BCL6B: variants seen among roughly 807,000 people sequenced by gnomAD.
BCL6B encodes the protein B-cell CLL/lymphoma 6 member B protein.
BCL6B carries 28 observed loss-of-function variants against 44.6 expected under a neutral mutation model. That is an observed-to-expected ratio of 0.63 (90% CI 0.47 to 0.86). BCL6B has a LOEUF of 0.86. Among genes scored for constraint, BCL6B ranks in the 40% least tolerant of loss-of-function variants. The pLI is 0.00. For synonymous variants in BCL6B, 268 were observed against 263.6 expected (o/e 1.02, Z -0.16); for missense variants, 626 against 652.3 (o/e 0.96, Z 0.44).
rs779815131 is a variant in BCL6B, at chr17:7,023,737, C to T, written c.66C>T (p.Ser22=). The change falls in exon 2 of 9, where the codon TCC becomes TCT. Residue 22 remains serine (S), a synonymous_variant. Coordinates refer to ENST00000293805, the MANE Select transcript of BCL6B (RefSeq NM_181844.4). The part of the protein sequence containing the change: ...GYVREFTRHS[S]DVLGNLNELR... The stretch of plus-strand genomic sequence containing the variant: ...TCCGCGAGTTCACTCGCCACTCCTC[C>T]GACGTGCTGGGCAACCTCAACGAGC... The T allele has an allele frequency of 5.6e-6, 9 of 1,613,306 alleles. No homozygotes were observed. Among genetic ancestry groups the T allele is most frequent in the Non-Finnish European group, 6.8e-6 (8 of 1,180,034 alleles).
chr17:7,023,813 C>A lies in BCL6B; in HGVS notation c.142C>A (p.Pro48Thr). 1 of 1,613,288 alleles carries A rather than the reference C, an allele frequency of 6.2e-7. No homozygotes were observed. Among genetic ancestry groups the A allele is most frequent in the African/African-American group, 1.3e-5 (1 of 75,036 alleles). ...CGTCACGCTGCTGGTTGGCGGGCAA[C>A]CCCTCAGAGCACACAAGGCAGTTCT... The part of the protein sequence containing the change: ...TDVTLLVGGQ[P>T]LRAHKAVLIA... Residue 48 changes from proline (P) to threonine (T), a missense_variant, in exon 2 of 9, where the codon CCC (proline) becomes ACC (threonine). Transcript: ENST00000293805.
At chr17:7,025,234 G>A (rs1910252521) in intron 5 of BCL6B, 34 bp downstream of exon 5, 10 of 1,612,210 alleles carry the variant, frequency 6.2e-6, no homozygotes, top group Non-Finnish European at 8.5e-6. Context: ...TTTCTCCCGT[G>A]ACTGCTCCAG....
rs768336331 is a variant in BCL6B, at chr17:7,026,822, C to T, written c.1172C>T (p.Ser391Leu). ...EKPYKCETCGSRFVQVAHLRA... is the reference protein window; with the variant it reads ...EKPYKCETCGLRFVQVAHLRA... Reference sequence around the variant, plus strand: ...CCGTATAAGTGTGAGACGTGCGGCTCGCGCTTTGTACAGGTACGGAGCCAG... The same window carrying T: ...CCGTATAAGTGTGAGACGTGCGGCTTGCGCTTTGTACAGGTACGGAGCCAG... Residue 391 changes from serine (S) to leucine (L), a missense_variant, in exon 7 of 9, where the codon TCG (serine) becomes TTG (leucine). Ser to Leu is a moderately radical substitution (Grantham distance 145, BLOSUM62 -2). Transcript: ENST00000293805. The T allele has an allele frequency of 3.1e-6, 5 of 1,613,874 alleles. No homozygotes were observed. Among genetic ancestry groups the T allele is most frequent in the Admixed American group, 1.7e-5 (1 of 60,014 alleles).
At position 7,027,948 on chromosome 17, in the gene BCL6B, C is replaced by G; in HGVS notation, c.*329C>G. 9.0e-7 allele frequency: 1 copy of G among 1,106,178 alleles called. No homozygotes were observed. Among genetic ancestry groups the G allele is most frequent in the Non-Finnish European group, 1.1e-6 (1 of 904,710 alleles). 68.5% of individuals were successfully genotyped at this position (1,106,178 alleles called of 1,614,324 possible). On this transcript the variant is annotated 3_prime_UTR_variant, in exon 9 of 9. Coordinates refer to ENST00000293805, the MANE Select transcript of BCL6B (RefSeq NM_181844.4). ...GTGGCCCCCATTGCATTCAGTTTAT[C>G]TGTAAATATAATTTATTGAGGCCTT...
chr17:7,023,352 G>A (rs529351617), intron 1 of BCL6B: 1 of 379,728 alleles, frequency 2.6e-6, no homozygotes, highest in Admixed American at 4.3e-5. Context: ...AGAGGGGAGT[G>A]GCGGTGCTGG....
In BCL6B at chr17:7,024,611, T is replaced by C; in HGVS notation, c.612T>C (p.Ser204=). The part of the protein sequence containing the change: ...WKKYKYIVLN[S]QASQAGSLVG... The stretch of plus-strand genomic sequence containing the variant: ...AGTACAAGTACATCGTGCTAAACTC[T>C]CAGGCCTCCCAAGCAGGGAGCCTGG... The change falls in exon 4 of 9, where the codon TCT becomes TCC. Residue 204 remains serine (S), a synonymous_variant. Coordinates refer to ENST00000293805, the MANE Select transcript of BCL6B (RefSeq NM_181844.4). The surrounding 1 kb of genome is among the most constrained non-coding windows in gnomAD (Gnocchi z 6.6). The C allele has an allele frequency of 6.2e-7, 1 of 1,614,136 alleles. No individual in the cohort carries two copies. The highest frequency in any genetic ancestry group is 2.2e-5 in the East Asian group (1 of 44,868).
chr17:7,027,614 C>G lies in BCL6B; in HGVS notation c.1435C>G (p.Pro479Ala), dbSNP rs376284939. ...AGTGCACTACCACATTCTCGGGGGG[C>G]CCTAGCTGAGCGCAGGCCCAGGCCC... is the stretch of plus-strand genomic sequence containing the variant. ...TKVHYHILGG[P>A] Residue 479 changes from proline to alanine, a missense_variant, in exon 9 of 9, where the codon CCC becomes GCC. Pro to Ala is a conservative substitution (Grantham distance 27). Transcript: ENST00000293805. 2.5e-6 allele frequency: 4 copies of G among 1,613,156 alleles called. No homozygotes were observed. Among genetic ancestry groups the G allele is most frequent in the African/African-American group, 1.3e-5 (1 of 75,046 alleles).
rs749686574 is a variant in BCL6B at position 7,028,780 on chromosome 17, G to C, written c.*1161G>C. On this transcript the variant is annotated 3_prime_UTR_variant, in exon 9 of 9. Coordinates refer to ENST00000293805, the MANE Select transcript of BCL6B (RefSeq NM_181844.4). ...ATCATGAAACTCTTTAGCTTGATTA[G>C]ATGGTAAACAGTGTTAACCCATCCT... 64 of 985,328 alleles carry C rather than the reference G, an allele frequency of 6.5e-5. No individual in the cohort carries two copies. Among genetic ancestry groups the C allele is most frequent in the Non-Finnish European group, 7.3e-5 (61 of 829,954 alleles). 61.0% of individuals were successfully genotyped at this position (985,328 alleles called of 1,614,324 possible). A position where few individuals can be genotyped will look rare whatever the true frequency, so the allele number is the denominator to read the frequency against.
At position 7,028,961 on chromosome 17, in the gene BCL6B, C is replaced by G; in HGVS notation, c.*1342C>G. ...AAGGGATGGTGCTTGGTAACCTTAC[C>G]TTTTAAAAGCTGGGTCTGTGACCTG... On this transcript the variant is annotated 3_prime_UTR_variant, in exon 9 of 9. Transcript: ENST00000293805. 1.0e-6 allele frequency: 1 copy of G among 985,418 alleles called. No homozygotes were observed. Among genetic ancestry groups the G allele is most frequent in the South Asian group, 4.7e-5 (1 of 21,282 alleles). The allele number at this position is 985,418 out of a possible 1,614,324, so 61.0% of individuals were successfully genotyped here. A position where few individuals can be genotyped will look rare whatever the true frequency, so the allele number is the denominator to read the frequency against.
rs1910331226 is a variant in BCL6B at position 7,027,502 on chromosome 17, G to A, written c.1324-1G>A. The A allele has an allele frequency of 6.2e-7, 1 of 1,613,760 alleles. No homozygotes were observed. The highest frequency in any genetic ancestry group is 8.5e-7 in the Non-Finnish European group (1 of 1,180,028). On this transcript the variant is annotated splice_acceptor_variant, in intron 8 of 8. Transcript: ENST00000293805. LOFTEE classifies it high-confidence loss of function. Reference sequence around the variant, plus strand: ...GGCCTGACTTGGCTGTCCTCCCACAGTGCGACCCCTGTGGCCTGCATTTCC... The same window carrying A: ...GGCCTGACTTGGCTGTCCTCCCACAATGCGACCCCTGTGGCCTGCATTTCC...
chr17:7,027,665 C>T lies in BCL6B; in HGVS notation c.*46C>T, dbSNP rs751131685. On this transcript the variant is annotated 3_prime_UTR_variant, in exon 9 of 9. Coordinates refer to ENST00000293805, the MANE Select transcript of BCL6B (RefSeq NM_181844.4). ...CACTTGCTTCCTGCGGGTGGGAAAG[C>T]TGCAGGCCCAGGCCTTGCTTCCCTA... 1.9e-6 allele frequency: 3 copies of T among 1,609,140 alleles called. No homozygotes were observed. The South Asian group carries it at 3.3e-5, about 18-fold the overall frequency.
At position 7,023,823 on chromosome 17, in the gene BCL6B, C is replaced by G. The variant is rs1910196522; in HGVS notation, c.152C>G (p.Ala51Gly). Reference protein sequence around the residue: ...TLLVGGQPLRAHKAVLIACSG... With the variant: ...TLLVGGQPLRGHKAVLIACSG... ...CTGGTTGGCGGGCAACCCCTCAGAG[C>G]ACACAAGGCAGTTCTCATCGCCTGC... The change falls in exon 2 of 9, where the codon GCA becomes GGA. Residue 51 changes from alanine (A) to glycine (G), a missense_variant. Physicochemically the swap from Ala to Gly is moderately conservative, Grantham distance 60. Transcript: ENST00000293805. 1 of 1,582,340 alleles carries G rather than the reference C, an allele frequency of 6.3e-7. No individual in the cohort carries two copies. Among genetic ancestry groups the G allele is most frequent in the African/African-American group, 1.4e-5 (1 of 73,824 alleles).
At position 7,027,654 on chromosome 17, in the gene BCL6B, G is replaced by A. The variant is rs750195222; in HGVS notation, c.*35G>A. ...GGCCCAGGCCCCACTTGCTTCCTGCGGGTGGGAAAGCTGCAGGCCCAGGCC... is the reference window on the plus strand; with the variant it reads ...GGCCCAGGCCCCACTTGCTTCCTGCAGGTGGGAAAGCTGCAGGCCCAGGCC... On this transcript the variant is annotated 3_prime_UTR_variant, in exon 9 of 9. Coordinates refer to ENST00000293805, the MANE Select transcript of BCL6B (RefSeq NM_181844.4). 111 of 1,610,748 alleles carry A rather than the reference G, an allele frequency of 6.9e-5. 1 individual carries two copies. In the South Asian group the frequency reaches 9.8e-4, roughly 14 times the overall value.
At position 7,024,538 on chromosome 17, in the gene BCL6B, G is replaced by GC. The variant is rs780109291; in HGVS notation, c.546dup (p.Ser183GlnfsTer6). 5 of 1,613,646 alleles carry GC rather than the reference G, an allele frequency of 3.1e-6. No homozygotes were observed. The highest frequency in any genetic ancestry group is 2.5e-6 in the Non-Finnish European group (3 of 1,179,948). On this transcript the variant is annotated frameshift_variant, in exon 4 of 9. Transcript: ENST00000293805. LOFTEE classifies it high-confidence loss of function. This position sits in a 1 kb window ranked among gnomAD's most constrained non-coding sequence, Gnocchi z 6.6. ...ACTGAATCTCGAAGCTGCAGTCAAG[G>GC]CCCCCCCAGTCCAGCCAGCCCTGAC... is the stretch of plus-strand genomic sequence containing the variant.
chr17:7,027,080 C>CT lies in BCL6B; in HGVS notation c.1318dup (p.Tyr440LeufsTer139). Reference sequence around the variant, plus strand: ...GTTCGCATCCACACCGGAGAGAAGCCTTACCACGTGGGTACCCAACCTGGC... The same window carrying CT: ...GTTCGCATCCACACCGGAGAGAAGCCTTTACCACGTGGGTACCCAACCTGGC... On this transcript the variant is annotated frameshift_variant, in exon 8 of 9. Transcript: ENST00000293805. LOFTEE classifies it high-confidence loss of function. 6.2e-7 allele frequency: 1 copy of CT among 1,614,006 alleles called. No homozygotes were observed. The highest frequency in any genetic ancestry group is 8.5e-7 in the Non-Finnish European group (1 of 1,180,030).
chr17:7,023,842 C>T lies in BCL6B; in HGVS notation c.171C>T (p.Ile57=), dbSNP rs375604063. Residue 57 remains isoleucine (I), a synonymous_variant, in exon 2 of 9, where the codon ATC becomes ATT. Transcript: ENST00000293805. Reference sequence around the variant, plus strand: ...TCAGAGCACACAAGGCAGTTCTCATCGCCTGCAGGTTCGAGGGGTGGGGCC... The same window carrying T: ...TCAGAGCACACAAGGCAGTTCTCATTGCCTGCAGGTTCGAGGGGTGGGGCC... ...QPLRAHKAVL[I]ACSGFFYSIF... 2.9e-5 allele frequency: 44 copies of T among 1,532,616 alleles called. No homozygotes were observed. The highest frequency in any genetic ancestry group is 3.9e-5 in the Non-Finnish European group (44 of 1,128,352). The allele number at this position is 1,532,616 out of a possible 1,614,324, so 94.9% of individuals were successfully genotyped here. A position where few individuals can be genotyped will look rare whatever the true frequency, so the allele number is the denominator to read the frequency against.
rs903980519 is a variant in BCL6B, at chr17:7,029,190, G to C, written c.*1571G>C. ...AGTTTCAAGTAGGATTAAGAGGTTG[G>C]TTGAGGGGTGCAGTTTCTGGTGTAG... On this transcript the variant is annotated 3_prime_UTR_variant, in exon 9 of 9. Coordinates refer to ENST00000293805, the MANE Select transcript of BCL6B (RefSeq NM_181844.4). 5 of 985,760 alleles carry C rather than the reference G, an allele frequency of 5.1e-6. No homozygotes were observed. The African/African-American group carries it at 8.7e-5, about 17-fold the overall frequency. 61.1% of individuals were successfully genotyped at this position (985,760 alleles called of 1,614,324 possible). A position where few individuals can be genotyped will look rare whatever the true frequency, so the allele number is the denominator to read the frequency against.
Position 7,026,976 on chromosome 17 carries a change from G to A in BCL6B, c.1212G>A (p.Leu404=). ...TGGCACATCTGCGGGCGCACGTGCTGATCCACACCGGGGAGAAGCCCTACC... is the reference window on the plus strand; with the variant it reads ...TGGCACATCTGCGGGCGCACGTGCTAATCCACACCGGGGAGAAGCCCTACC... ...VQVAHLRAHV[L]IHTGEKPYPC... Residue 404 remains leucine, a synonymous_variant, in exon 8 of 9, where the codon CTG becomes CTA. Transcript: ENST00000293805. 6.2e-7 allele frequency: 1 copy of A among 1,613,138 alleles called. No homozygotes were observed. The highest frequency in any genetic ancestry group is 8.5e-7 in the Non-Finnish European group (1 of 1,179,980).
At position 7,024,574 on chromosome 17, in the gene BCL6B, G is replaced by C; in HGVS notation, c.575G>C (p.Cys192Ser). 1 of 1,614,080 alleles carries C rather than the reference G, an allele frequency of 6.2e-7. No individual in the cohort carries two copies. The highest frequency in any genetic ancestry group is 8.5e-7 in the Non-Finnish European group (1 of 1,180,024). The change falls in exon 4 of 9, where the codon TGC becomes TCC. Residue 192 changes from cysteine to serine, a missense_variant. Coordinates refer to ENST00000293805, the MANE Select transcript of BCL6B (RefSeq NM_181844.4). This position sits in a 1 kb window ranked among gnomAD's most constrained non-coding sequence, Gnocchi z 6.6. ...PSPASPDPKA[C>S]NWKKYKYIVL... ...CCAGCCAGCCCTGACCCCAAGGCCT[G>C]CAACTGGAAAAAGTACAAGTACATC...
Sources: allele counts gnomAD v4.1 joint callset, GRCh38; gene constraint gnomAD v4.1.1; non-coding constraint Gnocchi (gnomAD v3.1); transcripts MANE v1.5; gene names NCBI Gene and HGNC (gene_info 2026-07-23, HGNC 2026-07-21).